IRAG1: variants seen among roughly 807,000 people sequenced by gnomAD.
IRAG1 encodes the protein inositol 1,4,5-triphosphate receptor associated 1.
IRAG1 carries 62 observed loss-of-function variants against 106.2 expected under a neutral mutation model. That is an observed-to-expected ratio of 0.58 (90% CI 0.48 to 0.72). IRAG1 has a LOEUF of 0.72. Ranked by LOEUF, IRAG1 falls within the 30% of genes least tolerant of loss-of-function variation. IRAG1 has a pLI of 0.00. For synonymous variants in IRAG1, 462 were observed against 443.9 expected, an observed-to-expected ratio of 1.04 and a Z score of -0.51; for missense variants, 1,064 against 1,140.7, an observed-to-expected ratio of 0.93 and a Z score of 0.97.
intron 1 of IRAG1, among the ~76,000 whole-genome samples, chr11:10,656,193 T>C (rs1858912039): frequency 1.3e-5 from 2 of 152,158 alleles, no homozygotes; most frequent in African/African-American, 4.8e-5. Context: ...TATTTAGTAA[T>C]GTTTGGTCTC....
chr11:10,672,916 T>G (rs1292442141), intron 1 of IRAG1, among the ~76,000 whole-genome samples: 1 of 152,216 alleles, frequency 6.6e-6, no homozygotes, highest in Non-Finnish European at 1.5e-5. Flanking sequence ...GGAAATAAAC[T>G]AAATGTCCAT....
chr11:10,632,210 C>G, intron 3 of IRAG1, 149 bp from the exon 4 acceptor site: 1 of 574,824 alleles, frequency 1.7e-6, no homozygotes, highest in Non-Finnish European at 2.9e-6. Context: ...TTTTTTGACT[C>G]AGTTTTACTC....
chr11:10,685,591 T>C (rs749173373), intron 1 of IRAG1, among the ~76,000 whole-genome samples: 1 of 151,762 alleles, frequency 6.6e-6, no homozygotes, highest in Non-Finnish European at 1.5e-5. Context: ...TGAGGTAGTA[T>C]ATGCCTGTAG....
rs924479619 is a variant in IRAG1 at position 10,657,906 on chromosome 11, G to A, written c.68-5724C>T. Among the ~76,000 whole-genome samples, 4 of 152,194 alleles carry A rather than the reference G, an allele frequency of 2.6e-5. No homozygotes were observed. In the East Asian group the frequency reaches 5.8e-4, roughly 22 times the overall value. On this transcript the variant is annotated intron_variant, in intron 1 of 20. Transcript: ENST00000423302. This position sits in a 1 kb window ranked among gnomAD's most constrained non-coding sequence, Gnocchi z 4.1. ...GACCAAGGCCACATCTATGAGTGAG[G>A]GGCAGAGTCAGAAAAGTCCCCAGAG...
rs765374533 is a variant in IRAG1 at position 10,580,441 on chromosome 11, C to T, written c.2495+14G>A. The T allele has an allele frequency of 2.1e-5, 33 of 1,604,952 alleles. No homozygotes were observed. The highest frequency in any genetic ancestry group is 8.9e-5 in the South Asian group (8 of 89,568). On this transcript the variant is annotated intron_variant, in intron 20 of 20. Transcript: ENST00000423302. Reference sequence around the variant, plus strand: ...TTTCAGCAACGGCAAGGACTCCAAACACAGGCTTCCCACCTGCTTCTTGGG... The same window carrying T: ...TTTCAGCAACGGCAAGGACTCCAAATACAGGCTTCCCACCTGCTTCTTGGG...
In IRAG1 at chr11:10,652,012, AG is replaced by A. The variant is rs2134904774; in HGVS notation, c.225+12del. On this transcript the variant is annotated intron_variant, in intron 2 of 20. Coordinates refer to ENST00000423302, the MANE Select transcript of IRAG1 (RefSeq NM_130385.4). ...CCAGCCAGGCTAGCTGAGGGCAGGGAGGGGGCACTTACTTGGCCGGCAGGGC... is the reference window on the plus strand; with the variant it reads ...CCAGCCAGGCTAGCTGAGGGCAGGGAGGGGCACTTACTTGGCCGGCAGGGC... The A allele has an allele frequency of 6.4e-7, 1 of 1,554,374 alleles. No homozygotes were observed. Among genetic ancestry groups the A allele is most frequent in the East Asian group, 2.4e-5 (1 of 41,876 alleles).
chr11:10,619,202 T>C (rs1175578507), intron 10 of IRAG1, among the ~76,000 whole-genome samples: 2 of 152,206 alleles, frequency 1.3e-5, no homozygotes, highest in East Asian at 1.9e-4. Flanking sequence ...AGGGAACTGA[T>C]TGGGTTGTTG....
chr11:10,596,452 C>T (rs930244319), intron 15 of IRAG1, among the ~76,000 whole-genome samples: 1 of 152,120 alleles, frequency 6.6e-6, no homozygotes, highest in Non-Finnish European at 1.5e-5. Flanking sequence ...TTCCCTTTGT[C>T]TTTACTGTTC....
chr11:10,661,358 A>G (rs1859388251), intron 1 of IRAG1, among the ~76,000 whole-genome samples: 2 of 152,298 alleles, frequency 1.3e-5, no homozygotes, highest in South Asian at 4.1e-4. Flanking sequence ...TCTTCACCTC[A>G]GGAAAAGTTA....
rs749691599 is a variant in IRAG1, at chr11:10,626,119, C to G, written c.1215G>C (p.Arg405=). The stretch of plus-strand genomic sequence containing the variant: ...GCAGCTTGGCAAGCACTTTCTGCAG[C>G]CGGGGGCCAGGTTCTTCAGGGCCAC... ...WDSGPEEPGP[R]LQKVLAKLPL... is the part of the protein sequence containing the mutation. The change falls in exon 9 of 21, where the codon CGG becomes CGC. Residue 405 remains arginine, a synonymous_variant. Coordinates refer to ENST00000423302, the MANE Select transcript of IRAG1 (RefSeq NM_130385.4). The G allele has an allele frequency of 5.2e-5, 80 of 1,544,800 alleles. No homozygotes were observed. Among genetic ancestry groups the G allele is most frequent in the Non-Finnish European group, 6.8e-5 (78 of 1,145,004 alleles).
intron 3 of IRAG1, 137 bp from the exon 4 acceptor site, chr11:10,632,198 T>C: frequency 2.9e-6 from 2 of 685,338 alleles, no homozygotes; most frequent in East Asian, 5.6e-5. Context: ...TTCTTTTTTT[T>C]TTTTTTTGAC....
At chr11:10,598,195 A>G (rs1219173091) in intron 15 of IRAG1, among the ~76,000 whole-genome samples, 1 of 152,198 alleles carries the variant, frequency 6.6e-6, no homozygotes, top group Non-Finnish European at 1.5e-5. Flanking sequence ...GGCAAGTGCA[A>G]AAGCTCAGCT....
chr11:10,677,239 G>T (rs188389594), intron 1 of IRAG1, among the ~76,000 whole-genome samples: 65 of 152,182 alleles, frequency 4.3e-4, no homozygotes, highest in Admixed American at 4.0e-3. Flanking sequence ...TTACCTACCT[G>T]CCAGATCCAC....
chr11:10,599,386 C>T (rs1407738701), intron 15 of IRAG1, among the ~76,000 whole-genome samples: 1 of 152,172 alleles, frequency 6.6e-6, no homozygotes, highest in Non-Finnish European at 1.5e-5. Context: ...TTGCAGGAGG[C>T]CTTGTGCAGC....
Position 10,665,545 on chromosome 11 carries a change from A to G in IRAG1, c.68-13363T>C, listed in dbSNP as rs1299276657. 1.3e-5 allele frequency among the ~76,000 whole-genome samples: 2 copies of G among 152,158 alleles called. No individual in the cohort carries two copies. The highest frequency in any genetic ancestry group is 2.9e-5 in the Non-Finnish European group (2 of 68,016). On this transcript the variant is annotated intron_variant, in intron 1 of 20. Coordinates refer to ENST00000423302, the MANE Select transcript of IRAG1 (RefSeq NM_130385.4). This position sits in a 1 kb window ranked among gnomAD's most constrained non-coding sequence, Gnocchi z 4.2. ...CTGGGGGCGACCACTCCACCTACCT[A>G]TCCCTCAGCTCAGAGCTGGATAGGC...
In IRAG1 at chr11:10,586,431, T is replaced by C. The variant is rs902193050; in HGVS notation, c.2241-4445A>G. Among the ~76,000 whole-genome samples, 10 of 151,200 alleles carry C rather than the reference T, an allele frequency of 6.6e-5. No homozygotes were observed. In the East Asian group the frequency reaches 9.7e-4, roughly 15 times the overall value. ...TTGATCTCTCCTTTTTTTTTTTTTT[T>C]CCTTGAGACAGGGTCCCGCTCTGTC... On this transcript the variant is annotated intron_variant, in intron 18 of 20. Coordinates refer to ENST00000423302, the MANE Select transcript of IRAG1 (RefSeq NM_130385.4).
At chr11:10,684,938 G>C (rs970955508) in intron 1 of IRAG1, among the ~76,000 whole-genome samples, 1 of 152,130 alleles carries the variant, frequency 6.6e-6, no homozygotes, top group South Asian at 2.1e-4. Flanking sequence ...AAAGAGAAAG[G>C]CTTGTCCAAA....
chr11:10,634,221 T>C (rs1217146773), intron 2 of IRAG1, 150 bp from the exon 3 acceptor site: 2 of 493,432 alleles, frequency 4.1e-6, no homozygotes, highest in East Asian at 6.2e-5. Context: ...CCCAGCTTTA[T>C]TGAGGTATAG....
chr11:10,668,948 C>T (rs1860003375), intron 1 of IRAG1, among the ~76,000 whole-genome samples: 1 of 152,182 alleles, frequency 6.6e-6, no homozygotes, highest in South Asian at 2.1e-4. Flanking sequence ...GTCTCACTGC[C>T]TCCCACCACC....
Sources: gnomAD v4.1 joint callset for allele counts (sites outside exome capture counted in the v4.1 genomes callset) on GRCh38, gnomAD v4.1.1 for gene constraint, Gnocchi (gnomAD v3.1) non-coding constraint, MANE v1.5 for transcripts, NCBI Gene and HGNC (gene_info 2026-07-23, HGNC 2026-07-21) for gene names.